Variants in SH3GL2 observed in about 807,000 individuals in gnomAD.
The protein encoded by SH3GL2 is SH3 domain containing GRB2 like 2, endophilin A1.
A neutral mutation model predicts 46.0 loss-of-function variants in SH3GL2; 24 were observed. That is an observed-to-expected ratio of 0.52 (90% CI 0.38 to 0.73). The LOEUF (loss-of-function observed/expected upper bound fraction) is 0.73. SH3GL2 is among the 30% of genes least tolerant of loss of function. SH3GL2 has a pLI of 0.00. For synonymous variants in SH3GL2, 196 were observed against 147.1 expected, an observed-to-expected ratio of 1.33 and a Z score of -2.40; for missense variants, 413 against 424.2, an observed-to-expected ratio of 0.97 and a Z score of 0.23.
chr9:17,774,124 A>G (rs4532697), intron 3 of SH3GL2, among the ~76,000 whole-genome samples: 2,053 of 152,212 alleles, frequency 0.013, 19 homozygotes, highest in Admixed American at 0.027. Context: ...TAGAAATGCA[A>G]CTGATTTTTG....
At chr9:17,763,617 C>A (rs1263605873) in intron 3 of SH3GL2, among the ~76,000 whole-genome samples, 1 of 152,214 alleles carries the variant, frequency 6.6e-6, no homozygotes, top group Non-Finnish European at 1.5e-5. Context: ...ACCTTGATTT[C>A]AGACTTCCGG....
chr9:17,643,050 C>G (rs575525064), intron 1 of SH3GL2, among the ~76,000 whole-genome samples: 1 of 151,968 alleles, frequency 6.6e-6, no homozygotes, highest in East Asian at 1.9e-4. Context: ...TGTTTGTGTC[C>G]TCTGTTATTT....
At chr9:17,703,231 T>C (rs1821380734) in intron 1 of SH3GL2, among the ~76,000 whole-genome samples, 1 of 151,890 alleles carries the variant, frequency 6.6e-6, no homozygotes, top group African/African-American at 2.4e-5. Context: ...ATTGTATGGC[T>C]CGGGGAAAAA....
chr9:17,593,843 T>C (rs1443807384), intron 1 of SH3GL2, among the ~76,000 whole-genome samples: 3 of 152,128 alleles, frequency 2.0e-5, no homozygotes. Flanking sequence ...ACAAGATCAG[T>C]AGGAGCCCAG....
At chr9:17,756,299 C>T (rs1192826698) in intron 2 of SH3GL2, among the ~76,000 whole-genome samples, 2 of 152,050 alleles carry the variant, frequency 1.3e-5, no homozygotes, top group Non-Finnish European at 2.9e-5. Flanking sequence ...TATATATTTA[C>T]AGTTTCACTT....
At chr9:17,712,775 C>G (rs1366065955) in intron 1 of SH3GL2, among the ~76,000 whole-genome samples, 1 of 151,760 alleles carries the variant, frequency 6.6e-6, no homozygotes, top group Non-Finnish European at 1.5e-5. Context: ...ACAGTGTTTT[C>G]AAATGGATTT....
intron 1 of SH3GL2, among the ~76,000 whole-genome samples, chr9:17,675,132 C>T (rs1405189472): frequency 1.3e-5 from 2 of 152,158 alleles, no homozygotes; most frequent in Admixed American, 6.5e-5. Context: ...TTGTGGTAGT[C>T]ATCTCACATG....
rs893728723 is a variant in SH3GL2 at position 17,735,740 on chromosome 9, A to T, written c.46-11326A>T. On this transcript the variant is annotated intron_variant, in intron 1 of 8. Transcript: ENST00000380607. ...ACAGAGTTGATTGAGGCAGTAGGAA[A>T]TGGGAAGATAAAGCTGGCAGCTCTT... The T allele has an allele frequency of 1.6e-5, 16 of 977,830 alleles. No homozygotes were observed. In the African/African-American group the frequency reaches 2.8e-4, roughly 17 times the overall value. 60.6% of individuals were successfully genotyped at this position (977,830 alleles called of 1,614,324 possible).
chr9:17,609,679 A>T (rs1818824776), intron 1 of SH3GL2, among the ~76,000 whole-genome samples: 1 of 152,244 alleles, frequency 6.6e-6, no homozygotes, highest in African/African-American at 2.4e-5. Context: ...TATGTACTTG[A>T]TACGGCTTTG....
intron 3 of SH3GL2, among the ~76,000 whole-genome samples, chr9:17,770,424 A>C (rs1161125903): frequency 2.0e-5 from 3 of 152,162 alleles, no homozygotes; most frequent in Admixed American, 2.0e-4. Flanking sequence ...TAAACTACAA[A>C]GATACCTCCA....
At chr9:17,596,622 T>C (rs1020175186) in intron 1 of SH3GL2, among the ~76,000 whole-genome samples, 1 of 152,190 alleles carries the variant, frequency 6.6e-6, no homozygotes, top group Non-Finnish European at 1.5e-5. Flanking sequence ...CCTGAGAAGA[T>C]AGGAGACGTT....
chr9:17,631,026 T>G (rs1819409250), intron 1 of SH3GL2, among the ~76,000 whole-genome samples: 1 of 151,878 alleles, frequency 6.6e-6, no homozygotes, highest in Admixed American at 6.6e-5. Context: ...TAATATGTGA[T>G]GTTTGATAGC....
chr9:17,789,233 G>C (rs1486294776), intron 5 of SH3GL2, among the ~76,000 whole-genome samples, 159 bp from the exon 6 acceptor site: 2 of 152,032 alleles, frequency 1.3e-5, no homozygotes, highest in East Asian at 3.9e-4. Flanking sequence ...GAAAGCACTG[G>C]CCCCATTGAT....
intron 1 of SH3GL2, among the ~76,000 whole-genome samples, chr9:17,681,516 C>G (rs1289682806): frequency 1.3e-5 from 2 of 152,124 alleles, no homozygotes; most frequent in African/African-American, 2.4e-5. Context: ...AACACTGAAA[C>G]TGGACCCCTT....
At chr9:17,792,257 C>T (rs566703821) in intron 7 of SH3GL2, among the ~76,000 whole-genome samples, 4 of 152,270 alleles carry the variant, frequency 2.6e-5, no homozygotes, top group Admixed American at 2.6e-4. Flanking sequence ...TCGGCGCAGC[C>T]TTATGGAAAT....
At chr9:17,757,768 A>G (rs1025668527) in intron 2 of SH3GL2, among the ~76,000 whole-genome samples, 2 of 152,228 alleles carry the variant, frequency 1.3e-5, no homozygotes, top group Admixed American at 6.5e-5. Flanking sequence ...TGCTAGTTAT[A>G]ATAAGTTACT....
intron 1 of SH3GL2, among the ~76,000 whole-genome samples, chr9:17,662,117 T>C (rs1207219414): frequency 6.6e-6 from 1 of 152,204 alleles, no homozygotes; most frequent in Non-Finnish European, 1.5e-5. Flanking sequence ...TTGATAAGAA[T>C]GTGCATTCTT....
At position 17,737,448 on chromosome 9, in the gene SH3GL2, C is replaced by G. The variant is rs545115866; in HGVS notation, c.46-9618C>G. Among the ~76,000 whole-genome samples, 491 of 152,056 alleles carry G rather than the reference C, an allele frequency of 3.2e-3. 2 individuals are homozygous for G. Among genetic ancestry groups the G allele is most frequent in the Non-Finnish European group, 4.4e-3 (300 of 67,942 alleles). ...GTTCCTATTATCTGATTCCTAGTGT[C>G]CTTTGGATCATGCTTATTTTGTCTC... On this transcript the variant is annotated intron_variant, in intron 1 of 8. Coordinates refer to ENST00000380607, the MANE Select transcript of SH3GL2 (RefSeq NM_003026.5).
At chr9:17,601,173 G>A (rs1588165478) in intron 1 of SH3GL2, among the ~76,000 whole-genome samples, 1 of 152,134 alleles carries the variant, frequency 6.6e-6, no homozygotes, top group African/African-American at 2.4e-5. Flanking sequence ...TGCCTGACCT[G>A]CACATGGTCA....
Sources: gnomAD v4.1 joint callset for allele counts (sites outside exome capture counted in the v4.1 genomes callset) on GRCh38, gnomAD v4.1.1 for gene constraint, MANE v1.5 for transcripts, NCBI Gene and HGNC (gene_info 2026-07-23, HGNC 2026-07-21) for gene names.